Variants in SEMA3A observed in about 807,000 individuals in gnomAD.
The protein encoded by SEMA3A is semaphorin-3A.
Under a neutral mutation model 97.9 loss-of-function variants are expected in SEMA3A, and 29 were observed. That is an observed-to-expected ratio of 0.30 (90% CI 0.22 to 0.40). The LOEUF is 0.40. Ranked by LOEUF, SEMA3A falls within the 10% of genes least tolerant of loss-of-function variation. The pLI, the probability that SEMA3A is intolerant of heterozygous loss-of-function variation, is 1.00. For synonymous variants in SEMA3A, 321 were observed against 323.7 expected (o/e 0.99, Z 0.09); for missense variants, 763 against 951.3 (o/e 0.80, Z 2.60).
intron 1 of SEMA3A, among the ~76,000 whole-genome samples, chr7:84,413,865 A>G (rs1309164886): frequency 1.3e-5 from 2 of 152,180 alleles, no homozygotes; most frequent in African/African-American, 4.8e-5. Flanking sequence ...TCATTTTTAC[A>G]TGCCAGGACA....
At chr7:84,375,571 T>C (rs1803078141) in intron 1 of SEMA3A, among the ~76,000 whole-genome samples, 1 of 152,186 alleles carries the variant, frequency 6.6e-6, no homozygotes, top group Admixed American at 6.5e-5. Flanking sequence ...TGACACATCA[T>C]AATTGTACTT....
In SEMA3A at chr7:84,347,718, CT is replaced by C. The variant is rs201917835; in HGVS notation, c.-169+24105del. On this transcript the variant is annotated intron_variant, in intron 2 of 3. Coordinates refer to the SEMA3A transcript ENST00000424555. ...AGCCACCGTGCCCAGCTCTTCAAAGCTTTTTTTTAGTAAAAGAAGACAGCCA... is the reference window on the plus strand; with the variant it reads ...AGCCACCGTGCCCAGCTCTTCAAAGCTTTTTTTAGTAAAAGAAGACAGCCA... 0.015 allele frequency among the ~76,000 whole-genome samples: 2,213 copies of C among 151,820 alleles called. 95 individuals carry two copies. In the East Asian group the frequency reaches 0.15, roughly 10 times the overall value.
At chr7:84,379,120 G>C (rs1000763007) in intron 1 of SEMA3A, among the ~76,000 whole-genome samples, 2 of 151,904 alleles carry the variant, frequency 1.3e-5, no homozygotes, top group East Asian at 3.9e-4. Context: ...GTAGAGACAG[G>C]GTTTCACCGT....
At position 84,062,701 on chromosome 7, in the gene SEMA3A, G is replaced by C. The variant is rs187972804; in HGVS notation, c.454-2143C>G. On this transcript the variant is annotated intron_variant, in intron 4 of 16. Coordinates refer to ENST00000265362, the MANE Select transcript of SEMA3A (RefSeq NM_006080.3). ...CCGGTCACTCCCACCCGAATACTGC[G>C]CTTTTCCGGCGGGCTTAAAAAACGG... Among the ~76,000 whole-genome samples the C allele has an allele frequency of 2.6e-3, 394 of 152,286 alleles. 2 individuals carry two copies. The highest frequency in any genetic ancestry group is 8.8e-3 in the African/African-American group (367 of 41,564).
intron 11 of SEMA3A, among the ~76,000 whole-genome samples, chr7:84,004,216 G>A (rs1790571505): frequency 6.6e-6 from 1 of 151,970 alleles, no homozygotes; most frequent in Non-Finnish European, 1.5e-5. Flanking sequence ...GCAAGTATCA[G>A]ATTTGTAACC....
intron 2 of SEMA3A, among the ~76,000 whole-genome samples, chr7:84,351,289 C>T (rs950538446): frequency 1.3e-5 from 2 of 152,064 alleles, no homozygotes; most frequent in Admixed American, 6.6e-5. Flanking sequence ...TGATGGTTTG[C>T]TTGGTTTCCT....
intron 1 of SEMA3A, among the ~76,000 whole-genome samples, chr7:84,452,195 G>T (rs1459679215): frequency 6.6e-6 from 1 of 151,948 alleles, no homozygotes; most frequent in Admixed American, 6.6e-5. Flanking sequence ...TTCAGTGTTT[G>T]GCAAAACAGA....
At chr7:84,129,391 C>T (rs986451235) in intron 2 of SEMA3A, among the ~76,000 whole-genome samples, 7 of 152,132 alleles carry the variant, frequency 4.6e-5, no homozygotes, top group African/African-American at 1.7e-4. Flanking sequence ...ACCCAATAGC[C>T]TTTGCTATAT....
intron 3 of SEMA3A, among the ~76,000 whole-genome samples, chr7:84,228,536 A>G (rs1799044705): frequency 6.6e-6 from 1 of 152,138 alleles, no homozygotes; most frequent in African/African-American, 2.4e-5. Context: ...ATGTATATAT[A>G]CTTCAAACTA....
intron 13 of SEMA3A, among the ~76,000 whole-genome samples, chr7:83,983,219 CTTTTTCT>C (rs1201405225): frequency 2.6e-5 from 4 of 151,278 alleles, no homozygotes; most frequent in Admixed American, 1.3e-4. Context: ...CTTTCCTTTT[CTTTTTCT>C]TTCTTTCTTT....
intron 16 of SEMA3A, among the ~76,000 whole-genome samples, chr7:83,962,685 T>C (rs1167213750): frequency 6.6e-6 from 1 of 152,150 alleles, no homozygotes; most frequent in African/African-American, 2.4e-5. Context: ...ATGGATCAAA[T>C]GAGCAGGGAG....
At chr7:83,988,297 G>A (rs1343872298) in intron 12 of SEMA3A, among the ~76,000 whole-genome samples, 2 of 152,010 alleles carry the variant, frequency 1.3e-5, no homozygotes, top group African/African-American at 2.4e-5. Flanking sequence ...CGTGATCTCG[G>A]CTCGCTGCTA....
intron 11 of SEMA3A, 54 bp downstream of exon 11, chr7:84,005,285 T>C: frequency 8.0e-7 from 1 of 1,252,514 alleles, no homozygotes; most frequent in East Asian, 2.3e-5. Context: ...ATCAACTTAA[T>C]CAGTTAAACA....
At chr7:84,030,084 A>G (rs750474077) in intron 6 of SEMA3A, among the ~76,000 whole-genome samples, 2 of 152,282 alleles carry the variant, frequency 1.3e-5, no homozygotes, top group South Asian at 4.1e-4. Context: ...GAAGTAATTA[A>G]AACATTTTTC....
At position 84,463,490 on chromosome 7, in the gene SEMA3A, C is replaced by T. The variant is rs1224083265; in HGVS notation, c.-246+28970G>A. ...GTCCCGATCTCCTAACCTCGTGATC[C>T]GCCCACCTTGGCCTCCCAAAGTGCT... On this transcript the variant is annotated intron_variant, in intron 1 of 3. Transcript: ENST00000424555. Among the ~76,000 whole-genome samples the T allele has an allele frequency of 2.0e-5, 3 of 152,092 alleles. No individual in the cohort carries two copies. In the East Asian group the frequency reaches 5.8e-4, roughly 30 times the overall value.
chr7:84,008,454 G>C (rs1313152637), intron 9 of SEMA3A, among the ~76,000 whole-genome samples: 1 of 139,386 alleles, frequency 7.2e-6, no homozygotes, highest in Non-Finnish European at 1.5e-5. Context: ...TCGTGCCACT[G>C]CACTCCAGCC....
At chr7:84,064,126 A>C (rs1336679266) in intron 4 of SEMA3A, among the ~76,000 whole-genome samples, 1 of 152,168 alleles carries the variant, frequency 6.6e-6, no homozygotes, top group Non-Finnish European at 1.5e-5. Context: ...AACATTCTTA[A>C]AGAAAAGAAT....
intron 13 of SEMA3A, among the ~76,000 whole-genome samples, chr7:83,984,572 A>AGTGAGGT (rs1562954304): frequency 6.7e-6 from 1 of 148,258 alleles, no homozygotes; most frequent in East Asian, 2.0e-4. Flanking sequence ...TACTCTAGTA[A>AGTGAGGT]GTGAGGCATA....
intron 1 of SEMA3A, among the ~76,000 whole-genome samples, chr7:84,481,930 TG>T (rs1806457787): frequency 6.6e-6 from 1 of 151,770 alleles, no homozygotes; most frequent in Non-Finnish European, 1.5e-5. Flanking sequence ...CATGATTGAC[TG>T]TAAGTCACTA....
Sources: allele counts gnomAD v4.1 joint callset (sites outside exome capture counted in the v4.1 genomes callset), GRCh38; gene constraint gnomAD v4.1.1; transcripts MANE v1.5; gene names NCBI Gene and HGNC (gene_info 2026-07-23, HGNC 2026-07-21).